The following SLC14A2 variants were observed in gnomAD, a reference collection of about 807,000 sequenced individuals.
SLC14A2 encodes urea transporter 2.
A neutral mutation model predicts 104.6 loss-of-function variants in SLC14A2; 91 were observed. The ratio of observed to expected loss-of-function variants is 0.87; its 90% CI spans 0.73 to 1.04. SLC14A2 has a LOEUF of 1.04. Ranked by LOEUF, SLC14A2 falls within the 50% of genes least tolerant of loss-of-function variation. The pLI is 0.00. For missense variants in SLC14A2, 1,189 were observed against 1,156.0 expected (o/e 1.03, Z -0.41); for synonymous variants, 476 against 466.4 (o/e 1.02, Z -0.27).
chr18:45,237,556 G>A (rs2084268273), intron 1 of SLC14A2, among the ~76,000 whole-genome samples: 1 of 152,202 alleles, frequency 6.6e-6, no homozygotes, highest in African/African-American at 2.4e-5. Flanking sequence ...ATGTGACCTT[G>A]GAGTGGTGGC....
intron 1 of SLC14A2, among the ~76,000 whole-genome samples, chr18:45,281,419 G>A (rs568391356): frequency 1.3e-5 from 2 of 152,316 alleles, no homozygotes; most frequent in Admixed American, 1.3e-4. Flanking sequence ...TCATTGGTCT[G>A]CATGTTACAT....
chr18:45,259,376 C>T (rs2084512743), intron 1 of SLC14A2, among the ~76,000 whole-genome samples: 1 of 152,162 alleles, frequency 6.6e-6, no homozygotes, highest in South Asian at 2.1e-4. Flanking sequence ...CGCCACAGCA[C>T]AATTGCTGCT....
intron 1 of SLC14A2, among the ~76,000 whole-genome samples, chr18:45,281,998 T>C (rs1227746373): frequency 1.3e-5 from 2 of 152,088 alleles, no homozygotes; most frequent in African/African-American, 2.4e-5. Context: ...GAAGCTGATC[T>C]CCTACCTACC....
the SLC14A2 span, among the ~76,000 whole-genome samples, chr18:45,186,842 A>G: frequency 6.6e-6 from 1 of 152,174 alleles, no homozygotes; most frequent in Non-Finnish European, 1.5e-5. Context: ...GAGAGCCCCC[A>G]AATTTCTATG....
chr18:45,416,731 T>C (rs1009589177), intron 1 of SLC14A2, among the ~76,000 whole-genome samples: 1 of 152,214 alleles, frequency 6.6e-6, no homozygotes, highest in Non-Finnish European at 1.5e-5. Context: ...TACCGTATTA[T>C]TTATGAGAAA....
the SLC14A2 span, among the ~76,000 whole-genome samples, chr18:45,184,147 A>AT: frequency 0.047 from 7,100 of 151,942 alleles, 222 homozygotes; most frequent in Non-Finnish European, 0.074. Flanking sequence ...GTAATGTTCT[A>AT]TTTTTTAAAA....
At position 45,615,530 on chromosome 18, in the gene SLC14A2, C is replaced by T. The variant is rs1205978432; in HGVS notation, c.-87C>T. 1.3e-5 allele frequency: 2 copies of T among 152,172 alleles called. No homozygotes were observed. Among genetic ancestry groups the T allele is most frequent in the African/African-American group, 2.4e-5 (1 of 41,420 alleles). 9.4% of individuals were successfully genotyped at this position (152,172 alleles called of 1,614,324 possible). ...AGAAGGTCCAAGTTTGCTTCCCCTTCGCCTTCCACCATGACTGTAAGTTTC... is the reference window on the plus strand; with the variant it reads ...AGAAGGTCCAAGTTTGCTTCCCCTTTGCCTTCCACCATGACTGTAAGTTTC... On this transcript the variant is annotated 5_prime_UTR_variant, in exon 1 of 20. Transcript: ENST00000255226.
At chr18:45,448,840 T>C (rs2086813039) in intron 1 of SLC14A2, among the ~76,000 whole-genome samples, 1 of 152,238 alleles carries the variant, frequency 6.6e-6, no homozygotes, top group Non-Finnish European at 1.5e-5. Context: ...TCAAACATTT[T>C]TACCCTGGTG....
At chr18:45,615,844 A>AGAGAGAGAGAGAGG (rs2045060912) in intron 1 of SLC14A2, among the ~76,000 whole-genome samples, 8 of 150,218 alleles carry the variant, frequency 5.3e-5, no homozygotes, top group Admixed American at 4.6e-4. Flanking sequence ...TGTGAGAGAG[A>AGAGAGAGAGAGAGG]GAGAGAGAGA....
At position 45,312,801 on chromosome 18, in the gene SLC14A2, A is replaced by T. The variant is rs567939572; in HGVS notation, c.-125+99610A>T. ...CGTTTTCCAGTCTACTTAGCCAAAG[A>T]GAGAGCTCAGGCTCCTCTCAGGCCT... On this transcript the variant is annotated intron_variant, in intron 1 of 20. Coordinates refer to the SLC14A2 transcript ENST00000586448. Among the ~76,000 whole-genome samples, 72 of 152,354 alleles carry T rather than the reference A, an allele frequency of 4.7e-4. No homozygotes were observed. The South Asian group carries it at 9.7e-3, about 21-fold the overall frequency.
At chr18:45,342,142 G>A (rs546758886) in intron 1 of SLC14A2, among the ~76,000 whole-genome samples, 2 of 152,294 alleles carry the variant, frequency 1.3e-5, no homozygotes, top group South Asian at 2.1e-4. Flanking sequence ...CCCTAGGAAC[G>A]AGGTTCGGTA....
intron 1 of SLC14A2, among the ~76,000 whole-genome samples, chr18:45,434,246 C>T (rs558079981): frequency 2.0e-5 from 3 of 152,242 alleles, no homozygotes; most frequent in South Asian, 2.1e-4. Context: ...GCCACAAAGC[C>T]GGTCCTTAAG....
intron 1 of SLC14A2, among the ~76,000 whole-genome samples, chr18:45,396,524 T>G (rs796660589): frequency 6.6e-5 from 10 of 152,256 alleles, no homozygotes; most frequent in African/African-American, 2.4e-4. Flanking sequence ...TTTCTATGAT[T>G]TTTTATTTTG....
chr18:45,473,428 C>G (rs1024653710), intron 1 of SLC14A2, among the ~76,000 whole-genome samples: 4 of 152,192 alleles, frequency 2.6e-5, no homozygotes, highest in Admixed American at 2.6e-4. Context: ...CCAATGGTAG[C>G]TTGATGGGGA....
chr18:45,605,676 G>T (rs1046510736), intron 2 of SLC14A2, among the ~76,000 whole-genome samples: 2 of 152,118 alleles, frequency 1.3e-5, no homozygotes. Flanking sequence ...CTTGACCAAG[G>T]TTAAACAGCT....
At chr18:45,430,564 ATTTTATTATT>A (rs2086498838) in intron 1 of SLC14A2, among the ~76,000 whole-genome samples, 1 of 146,902 alleles carries the variant, frequency 6.8e-6, no homozygotes, top group Non-Finnish European at 1.5e-5. Flanking sequence ...ATTTTATTTT[ATTTTATTATT>A]TTATTTTATT....
chr18:45,599,449 TA>T (rs2044758115), intron 2 of SLC14A2, among the ~76,000 whole-genome samples: 1 of 152,226 alleles, frequency 6.6e-6, no homozygotes, highest in East Asian at 1.9e-4. Context: ...CTTGCAAAAG[TA>T]GTTACCTTTC....
chr18:45,343,868 G>T (rs1402795220), intron 1 of SLC14A2, among the ~76,000 whole-genome samples: 1 of 152,168 alleles, frequency 6.6e-6, no homozygotes, highest in East Asian at 1.9e-4. Context: ...ACAATTTGTG[G>T]AGTGATGACA....
the SLC14A2 span, among the ~76,000 whole-genome samples, chr18:45,186,989 G>A: frequency 2.6e-5 from 4 of 152,200 alleles, no homozygotes; most frequent in African/African-American, 9.6e-5. Flanking sequence ...CACTTTCTCT[G>A]CCAGGATAAT....
Sources: gnomAD v4.1 joint callset for allele counts (sites outside exome capture counted in the v4.1 genomes callset) on GRCh38, gnomAD v4.1.1 for gene constraint, MANE v1.5 for transcripts, NCBI Gene and HGNC (gene_info 2026-07-23, HGNC 2026-07-21) for gene names.